Variants in NMNAT3 observed in about 807,000 individuals in gnomAD.
The protein encoded by NMNAT3 is nicotinamide nucleotide adenylyltransferase 3, also known as nicotinamide/nicotinic acid mononucleotide adenylyltransferase 3.
A neutral mutation model predicts 24.8 loss-of-function variants in NMNAT3; 21 were observed. The observed-to-expected ratio is 0.85, with a 90% CI of 0.60 to 1.22. The LOEUF (loss-of-function observed/expected upper bound fraction) is 1.22. NMNAT3 is among the 50% of genes most tolerant of loss of function. The pLI, the probability that NMNAT3 is intolerant of heterozygous loss-of-function variation, is 0.00. For synonymous variants in NMNAT3, 136 were observed against 155.2 expected (o/e 0.88, Z 0.92); for missense variants, 387 against 436.6 (o/e 0.89, Z 1.01).
intron 4 of NMNAT3, among the ~76,000 whole-genome samples, chr3:139,579,328 C>T (rs534170371): frequency 6.6e-6 from 1 of 152,288 alleles, no homozygotes; most frequent in East Asian, 1.9e-4. Flanking sequence ...GGGTGGCGCT[C>T]AGGCAAGGGT....
At chr3:139,630,010 A>G (rs774478793) in intron 2 of NMNAT3, among the ~76,000 whole-genome samples, 1 of 152,258 alleles carries the variant, frequency 6.6e-6, no homozygotes, top group Non-Finnish European at 1.5e-5. Flanking sequence ...TGTTTCTAAC[A>G]TGACAAAAAG....
At chr3:139,592,152 T>C (rs139197577) in intron 3 of NMNAT3, among the ~76,000 whole-genome samples, 1 of 151,824 alleles carries the variant, frequency 6.6e-6, no homozygotes, top group African/African-American at 2.4e-5. Flanking sequence ...AAACCAAGGC[T>C]CGAGAACTAT....
chr3:139,616,250 T>C (rs1473222111), intron 3 of NMNAT3, among the ~76,000 whole-genome samples: 6 of 152,314 alleles, frequency 3.9e-5, no homozygotes, highest in East Asian at 3.9e-4. Flanking sequence ...CTAACTCCAA[T>C]ACTAAATTCT....
chr3:139,627,564 A>T, intron 3 of NMNAT3, 52 bp downstream of exon 4: 1 of 1,074,042 alleles, frequency 9.3e-7, no homozygotes, highest in Non-Finnish European at 1.3e-6. Context: ...GAAAAGCCCC[A>T]TGAAGCCTAA....
At chr3:139,568,406 G>T (rs1207377936) in intron 6 of NMNAT3, 1 of 152,026 alleles carries the variant, frequency 6.6e-6, no homozygotes, top group Non-Finnish European at 1.5e-5. Flanking sequence ...GTTTGCTCTT[G>T]CTTTTCTAGT....
At chr3:139,651,313 A>AT (rs942917322) in intron 1 of NMNAT3, among the ~76,000 whole-genome samples, 13 of 150,780 alleles carry the variant, frequency 8.6e-5, no homozygotes, top group Admixed American at 2.6e-4. Context: ...CCAAGTCTCC[A>AT]TTTTTTTTTG....
chr3:139,566,713 T>C (rs1335583170), intron 6 of NMNAT3: 1 of 152,134 alleles, frequency 6.6e-6, no homozygotes, highest in African/African-American at 2.4e-5. Context: ...TTCTGTTCCA[T>C]TGGTCTATAT....
intron 1 of NMNAT3, among the ~76,000 whole-genome samples, chr3:139,660,358 T>C (rs6786492): frequency 0.13 from 20,315 of 152,208 alleles, 2,489 homozygotes; most frequent in African/African-American, 0.31. Flanking sequence ...ACTCCATTAC[T>C]CTTGTTAATT....
intron 3 of NMNAT3, among the ~76,000 whole-genome samples, chr3:139,610,264 C>T (rs1164085814): frequency 6.6e-6 from 1 of 152,146 alleles, no homozygotes; most frequent in Non-Finnish European, 1.5e-5. Context: ...TGCTAGAGGA[C>T]ATGCCATGAA....
intron 3 of NMNAT3, among the ~76,000 whole-genome samples, chr3:139,617,359 C>T (rs534353403): frequency 2.0e-5 from 3 of 152,280 alleles, no homozygotes; most frequent in African/African-American, 7.2e-5. Flanking sequence ...GGCTGCATGG[C>T]ATGGTGGTTA....
chr3:139,580,607 T>A (rs1940043181), intron 4 of NMNAT3, among the ~76,000 whole-genome samples: 1 of 152,158 alleles, frequency 6.6e-6, no homozygotes, highest in Non-Finnish European at 1.5e-5. Flanking sequence ...CAGCCCGAAT[T>A]CAGGCAGGTG....
intron 1 of NMNAT3, among the ~76,000 whole-genome samples, chr3:139,669,887 A>G (rs901904760): frequency 6.6e-6 from 1 of 152,236 alleles, no homozygotes; most frequent in Non-Finnish European, 1.5e-5. Context: ...AGGAAAAAAC[A>G]TTGCCATAAT....
At chr3:139,669,003 T>G (rs1224211009) in intron 1 of NMNAT3, among the ~76,000 whole-genome samples, 1 of 152,216 alleles carries the variant, frequency 6.6e-6, no homozygotes, top group Non-Finnish European at 1.5e-5. Flanking sequence ...TAAACCCTAT[T>G]GAACTTGCTA....
At chr3:139,591,690 C>T (rs1244836149) in intron 3 of NMNAT3, among the ~76,000 whole-genome samples, 1 of 152,212 alleles carries the variant, frequency 6.6e-6, no homozygotes, top group African/African-American at 2.4e-5. Flanking sequence ...AACTGGGAGG[C>T]ACCCCCCAGC....
intron 3 of NMNAT3, among the ~76,000 whole-genome samples, chr3:139,604,834 G>A (rs1471335114): frequency 3.3e-5 from 5 of 152,112 alleles, no homozygotes; most frequent in African/African-American, 1.2e-4. Context: ...TAGTCCCAGA[G>A]GAAATGCAAG....
intron 3 of NMNAT3, among the ~76,000 whole-genome samples, chr3:139,622,762 CATATATATCAT>C (rs1559921134): frequency 1.5e-5 from 2 of 133,102 alleles, no homozygotes; most frequent in African/African-American, 5.6e-5. Context: ...GTATATATAT[CATATATATCAT>C]ATATATGATA....
chr3:139,640,284 G>A (rs897386831), intron 1 of NMNAT3, among the ~76,000 whole-genome samples: 3 of 152,126 alleles, frequency 2.0e-5, no homozygotes, highest in Non-Finnish European at 4.4e-5. Flanking sequence ...CCTGATTGGG[G>A]GAAAACTCAG....
At chr3:139,661,215 A>C (rs2011669) in intron 1 of NMNAT3, among the ~76,000 whole-genome samples, 7,327 of 152,324 alleles carry the variant, frequency 0.048, 214 homozygotes, top group Admixed American at 0.096. Flanking sequence ...CTCAGAATCA[A>C]GTCTGGTGAT....
chr3:139,578,637 T>C (rs1939677394), intron 5 of NMNAT3, among the ~76,000 whole-genome samples: 1 of 152,208 alleles, frequency 6.6e-6, no homozygotes, highest in Admixed American at 6.5e-5. Context: ...AGGTTGGGTG[T>C]TTCCACAAAG....
Sources: gnomAD v4.1 joint callset for allele counts (sites outside exome capture counted in the v4.1 genomes callset) on GRCh38, gnomAD v4.1.1 for gene constraint, MANE v1.5 for transcripts, NCBI Gene and HGNC (gene_info 2026-07-23, HGNC 2026-07-21) for gene names.